The following AGAP1 variants were observed in gnomAD, a reference collection of about 807,000 sequenced individuals.
The protein encoded by AGAP1 is ArfGAP with GTPase domain, ankyrin repeat and PH domain 1.
Under a neutral mutation model 105.3 loss-of-function variants are expected in AGAP1, and 29 were observed. That is an observed-to-expected ratio of 0.28 (90% CI 0.21 to 0.38). The LOEUF (loss-of-function observed/expected upper bound fraction) is 0.38. AGAP1 is among the 10% of genes least tolerant of loss of function. AGAP1 has a pLI of 1.00. For missense variants in AGAP1, 998 were observed against 1,165.1 expected, an observed-to-expected ratio of 0.86 and a Z score of 2.09; for synonymous variants, 509 against 485.9, an observed-to-expected ratio of 1.05 and a Z score of -0.63.
Position 235,836,343 on chromosome 2 carries a change from C to T in AGAP1, c.1050+29012C>T, listed in dbSNP as rs146548415. ...AAATTAGAGCACTGCAGCAGGTGGC[C>T]GGGAGTGCTGGTGATGGCCCTGCAG... On this transcript the variant is annotated intron_variant, in intron 9 of 17. Transcript: ENST00000304032. Among the ~76,000 whole-genome samples, 129 of 152,218 alleles carry T rather than the reference C, an allele frequency of 8.5e-4. 1 individual carries two copies. Among genetic ancestry groups the T allele is most frequent in the African/African-American group, 3.0e-3 (123 of 41,530 alleles).
chr2:235,823,386 T>C (rs1958905627), intron 9 of AGAP1, among the ~76,000 whole-genome samples: 1 of 152,134 alleles, frequency 6.6e-6, no homozygotes, highest in African/African-American at 2.4e-5. Flanking sequence ...CCTCCTGCCT[T>C]ATCCTCTCCG....
intron 9 of AGAP1, among the ~76,000 whole-genome samples, chr2:235,838,618 C>T (rs1960448634): frequency 6.6e-6 from 1 of 152,242 alleles, no homozygotes. Flanking sequence ...TAGTGAGATA[C>T]AGTCTACACT....
chr2:236,054,843 G>GCCCT (rs2058007864), intron 16 of AGAP1, among the ~76,000 whole-genome samples: 1 of 152,096 alleles, frequency 6.6e-6, no homozygotes, highest in African/African-American at 2.4e-5. Flanking sequence ...GCGGATTGAT[G>GCCCT]CCCTGCCCCT....
At chr2:235,813,757 G>A (rs1283350344) in intron 9 of AGAP1, among the ~76,000 whole-genome samples, 1 of 152,246 alleles carries the variant, frequency 6.6e-6, no homozygotes, top group Non-Finnish European at 1.5e-5. Context: ...CAAGGACAGA[G>A]GGTTTCTGTA....
At chr2:236,070,768 C>T (rs1051107161) in intron 16 of AGAP1, among the ~76,000 whole-genome samples, 22 of 151,216 alleles carry the variant, frequency 1.5e-4, no homozygotes, top group African/African-American at 4.4e-4. Flanking sequence ...GGCCCTGGGC[C>T]GGGGCAGGGG....
chr2:235,507,979 TG>T (rs762581525), intron 1 of AGAP1, among the ~76,000 whole-genome samples: 1 of 152,114 alleles, frequency 6.6e-6, no homozygotes, highest in Non-Finnish European at 1.5e-5. Context: ...CAGGCCTTGG[TG>T]GCCGTTGTTC....
At chr2:235,497,761 A>G (rs1364503345) in intron 1 of AGAP1, among the ~76,000 whole-genome samples, 1 of 151,938 alleles carries the variant, frequency 6.6e-6, no homozygotes, top group Non-Finnish European at 1.5e-5. Context: ...CGCCTGGCTA[A>G]TTTTTTCTGT....
At chr2:235,650,562 A>G (rs1197115326) in intron 1 of AGAP1, among the ~76,000 whole-genome samples, 1 of 151,906 alleles carries the variant, frequency 6.6e-6, no homozygotes, top group Non-Finnish European at 1.5e-5. Flanking sequence ...TAGAAAACAT[A>G]AAACTCTGCA....
rs1452881674 is a variant in AGAP1, at chr2:235,979,135, G to C, written c.1645+10512G>C. The stretch of plus-strand genomic sequence containing the variant: ...GTATTTGTGGGGTTTTTTTGTTGTT[G>C]TTTTTGTTTTTTTTTTTTTGGGATA... On this transcript the variant is annotated intron_variant, in intron 13 of 17. Coordinates refer to ENST00000304032, the MANE Select transcript of AGAP1 (RefSeq NM_001037131.3). The surrounding 1 kb of genome is among the most constrained non-coding windows in gnomAD (Gnocchi z 4.5). Among the ~76,000 whole-genome samples, 2 of 143,536 alleles carry C rather than the reference G, an allele frequency of 1.4e-5. No individual in the cohort carries two copies. The highest frequency in any genetic ancestry group is 5.3e-5 in the African/African-American group (2 of 37,462). The allele number at this position is 143,536 out of a possible 152,430, so 94.2% of individuals were successfully genotyped here.
chr2:235,765,387 C>T (rs942567032), intron 6 of AGAP1, among the ~76,000 whole-genome samples: 9 of 152,044 alleles, frequency 5.9e-5, no homozygotes, highest in African/African-American at 1.5e-4. Flanking sequence ...GTGGTAGTCT[C>T]ACGCTGCCCC....
rs1436810289 is a variant in AGAP1, at chr2:236,073,080, C to A, written c.2114+23799C>A. On this transcript the variant is annotated intron_variant, in intron 16 of 17. Transcript: ENST00000304032. This position sits in a 1 kb window ranked among gnomAD's most constrained non-coding sequence, Gnocchi z 5.4. ...GTGCAATCTCAGCTCACTGCAACTT[C>A]CGCCTCCCAGATTCGAGCGATTCTC... 6.6e-6 allele frequency among the ~76,000 whole-genome samples: 1 copy of A among 152,002 alleles called. No homozygotes were observed. The highest frequency in any genetic ancestry group is 1.5e-5 in the Non-Finnish European group (1 of 68,020).
chr2:235,798,145 G>A (rs1265007638), intron 7 of AGAP1, among the ~76,000 whole-genome samples: 2 of 152,104 alleles, frequency 1.3e-5, no homozygotes, highest in Non-Finnish European at 2.9e-5. Context: ...GGTGTGTGCT[G>A]CAGTCCTCGC....
At chr2:235,731,305 C>G (rs1951933844) in intron 3 of AGAP1, among the ~76,000 whole-genome samples, 1 of 152,190 alleles carries the variant, frequency 6.6e-6, no homozygotes, top group Non-Finnish European at 1.5e-5. Context: ...TTATCACTTG[C>G]TTACCTGGAA....
At chr2:235,782,616 A>G (rs971843444) in intron 6 of AGAP1, among the ~76,000 whole-genome samples, 2 of 152,178 alleles carry the variant, frequency 1.3e-5, no homozygotes, top group Non-Finnish European at 2.9e-5. Context: ...AATTTGCAAA[A>G]GCATCACTAG....
chr2:235,515,749 T>C (rs1411002818), intron 1 of AGAP1, among the ~76,000 whole-genome samples: 6 of 152,220 alleles, frequency 3.9e-5, no homozygotes, highest in Non-Finnish European at 8.8e-5. Context: ...TGCAGATATA[T>C]CATGTGCAAA....
intron 1 of AGAP1, chr2:235,671,146 G>A: frequency 8.2e-7 from 1 of 1,221,632 alleles, no homozygotes; most frequent in Non-Finnish European, 1.0e-6. Flanking sequence ...CGCCCTCCCG[G>A]GTCGGGAGCC....
intron 12 of AGAP1, among the ~76,000 whole-genome samples, chr2:235,938,677 G>A (rs2053106018): frequency 6.6e-6 from 1 of 152,154 alleles, no homozygotes. Flanking sequence ...AAGAGGACGA[G>A]AGAGGTTCTG....
intron 16 of AGAP1, among the ~76,000 whole-genome samples, chr2:236,100,714 C>T (rs1016684027): frequency 2.0e-5 from 3 of 151,862 alleles, no homozygotes; most frequent in African/African-American, 7.3e-5. Flanking sequence ...CCCATTGTCC[C>T]AACTACTTGG....
chr2:236,067,920 C>T (rs990870213), intron 16 of AGAP1, among the ~76,000 whole-genome samples: 2 of 152,212 alleles, frequency 1.3e-5, no homozygotes, highest in Admixed American at 6.5e-5. Context: ...GCTATCTCAT[C>T]TGGCAAAGAG....
Sources: gnomAD v4.1 joint callset for allele counts (sites outside exome capture counted in the v4.1 genomes callset) on GRCh38, gnomAD v4.1.1 for gene constraint, Gnocchi (gnomAD v3.1) non-coding constraint, MANE v1.5 for transcripts, NCBI Gene and HGNC (gene_info 2026-07-23, HGNC 2026-07-21) for gene names.